Variants in STK32A observed in about 807,000 individuals in gnomAD.
The protein encoded by STK32A is serine/threonine-protein kinase 32A.
Under a neutral mutation model 53.2 loss-of-function variants are expected in STK32A, and 41 were observed. The observed-to-expected ratio is 0.77, with a 90% CI of 0.60 to 1.00. The LOEUF (loss-of-function observed/expected upper bound fraction) is 1.00. Among genes scored for constraint, STK32A ranks in the 50% least tolerant of loss-of-function variants. The pLI, the probability that STK32A is intolerant of heterozygous loss-of-function variation, is 0.00. For missense variants in STK32A, 458 were observed against 485.8 expected (o/e 0.94, Z 0.54); for synonymous variants, 166 against 162.8 (o/e 1.02, Z -0.15).
intron 8 of STK32A, among the ~76,000 whole-genome samples, chr5:147,369,886 A>AT (rs1451101399): frequency 6.6e-6 from 1 of 152,222 alleles, no homozygotes; most frequent in Non-Finnish European, 1.5e-5. Flanking sequence ...TACAGTTCAC[A>AT]TAAGAGACAT....
chr5:147,395,754 T>C, the STK32A span: 196 of 1,610,924 alleles, frequency 1.2e-4, 1 homozygote, highest in Non-Finnish European at 1.6e-4. Context: ...CACCATTCAT[T>C]CATTCAGCAT....
intron 5 of STK32A, among the ~76,000 whole-genome samples, chr5:147,328,282 G>A (rs1045509086): frequency 6.6e-6 from 1 of 152,108 alleles, no homozygotes; most frequent in Admixed American, 6.5e-5. Context: ...TGCCAGAAAT[G>A]TCTAGTGTAG....
At chr5:147,304,203 A>G (rs1753288221) in intron 4 of STK32A, among the ~76,000 whole-genome samples, 1 of 152,218 alleles carries the variant, frequency 6.6e-6, no homozygotes, top group Non-Finnish European at 1.5e-5. Flanking sequence ...CACCCACTCA[A>G]GATTGAAAGT....
chr5:147,350,928 C>T, intron 6 of STK32A, 137 bp from the exon 7 acceptor site: 1 of 672,282 alleles, frequency 1.5e-6, no homozygotes, highest in Non-Finnish European at 2.7e-6. Context: ...TGGTTTAAGA[C>T]CATATCGGCC....
chr5:147,355,603 G>A (rs1756188590), intron 7 of STK32A, among the ~76,000 whole-genome samples: 1 of 152,142 alleles, frequency 6.6e-6, no homozygotes, highest in East Asian at 1.9e-4. Context: ...GCGCGAACCC[G>A]GGAGGCGGAG....
intron 1 of STK32A, 83 bp downstream of exon 1, chr5:147,235,282 A>C (rs1001441023): frequency 6.6e-6 from 1 of 152,406 alleles, no homozygotes; most frequent in South Asian, 2.1e-4. Flanking sequence ...AAGTGCAAGG[A>C]GAAGAGAAGA....
At chr5:147,299,630 A>G (rs1753033286) in intron 4 of STK32A, among the ~76,000 whole-genome samples, 1 of 152,206 alleles carries the variant, frequency 6.6e-6, no homozygotes. Flanking sequence ...GATTCAGAAA[A>G]TATGATTAAG....
intron 1 of STK32A, among the ~76,000 whole-genome samples, chr5:147,239,290 A>C (rs1753462647): frequency 6.6e-6 from 1 of 152,232 alleles, no homozygotes; most frequent in South Asian, 2.1e-4. Context: ...CTTCATTTTA[A>C]ACTTTTCTAC....
intron 2 of STK32A, among the ~76,000 whole-genome samples, chr5:147,277,830 C>A (rs541904885): frequency 6.6e-6 from 1 of 152,104 alleles, no homozygotes; most frequent in Non-Finnish European, 1.5e-5. Context: ...ATTTTTGTGA[C>A]CATTTAGTCT....
chr5:147,341,486 A>C (rs914483227), intron 5 of STK32A, among the ~76,000 whole-genome samples: 3 of 152,068 alleles, frequency 2.0e-5, no homozygotes, highest in Non-Finnish European at 2.9e-5. Context: ...AAATTAGAAA[A>C]ATTTTTTGAG....
intron 2 of STK32A, among the ~76,000 whole-genome samples, chr5:147,255,710 A>G (rs1346834301): frequency 6.6e-6 from 1 of 152,236 alleles, no homozygotes; most frequent in African/African-American, 2.4e-5. Context: ...TTGCCAAGCC[A>G]TCTGGCTAGT....
rs1048018924 is a variant in STK32A, at chr5:147,387,098, T to A, written c.*3115T>A. 3 of 152,246 alleles carry A rather than the reference T, an allele frequency of 2.0e-5. No individual in the cohort carries two copies. The highest frequency in any genetic ancestry group is 4.4e-5 in the Non-Finnish European group (3 of 68,062). 9.4% of individuals were successfully genotyped at this position (152,246 alleles called of 1,614,324 possible). A position where few individuals can be genotyped will look rare whatever the true frequency, so the allele number is the denominator to read the frequency against. On this transcript the variant is annotated 3_prime_UTR_variant, in exon 13 of 13. Coordinates refer to ENST00000397936, the MANE Select transcript of STK32A (RefSeq NM_001112724.2). The stretch of plus-strand genomic sequence containing the variant: ...TTGCCTGTATGGAGCATCTGCAAAG[T>A]CTGAGCAGGTTTTGAAGTCCAAGAG...
chr5:147,244,251 A>T (rs1753696562), intron 2 of STK32A, among the ~76,000 whole-genome samples: 1 of 152,232 alleles, frequency 6.6e-6, no homozygotes, highest in African/African-American at 2.4e-5. Context: ...ATTCCATTGT[A>T]TGGATATACC....
intron 1 of STK32A, among the ~76,000 whole-genome samples, chr5:147,236,819 G>C (rs1218672263): frequency 1.3e-5 from 2 of 152,056 alleles, no homozygotes; most frequent in African/African-American, 4.8e-5. Context: ...TTTCTGATTC[G>C]ACAACTTGCA....
At chr5:147,341,593 CT>C (rs1354539209) in intron 5 of STK32A, among the ~76,000 whole-genome samples, 1 of 152,170 alleles carries the variant, frequency 6.6e-6, no homozygotes, top group African/African-American at 2.4e-5. Flanking sequence ...GGTGATATCC[CT>C]CTTCCACCTC....
intron 2 of STK32A, among the ~76,000 whole-genome samples, chr5:147,245,672 G>C (rs1368400949): frequency 6.6e-6 from 1 of 152,182 alleles, no homozygotes; most frequent in Non-Finnish European, 1.5e-5. Flanking sequence ...GTTAAATCAA[G>C]AGACAGCCTT....
At chr5:147,326,066 A>G (rs1754572254) in intron 5 of STK32A, among the ~76,000 whole-genome samples, 1 of 152,120 alleles carries the variant, frequency 6.6e-6, no homozygotes, top group African/African-American at 2.4e-5. Context: ...TTCTCCATGT[A>G]CTTAGAACTG....
At chr5:147,397,990 G>A in the STK32A span, 1 of 767,344 alleles carries the variant, frequency 1.3e-6, no homozygotes, top group Non-Finnish European at 2.0e-6. Context: ...AGCATCCAGT[G>A]GGTAGAAGGC....
At chr5:147,239,776 G>A in intron 2 of STK32A, 90 bp downstream of exon 2, 1 of 989,122 alleles carries the variant, frequency 1.0e-6, no homozygotes, top group Non-Finnish European at 1.5e-6. Context: ...GCATAAGCAT[G>A]GTCTGTAGGG....
Sources: gnomAD v4.1 joint callset for allele counts (sites outside exome capture counted in the v4.1 genomes callset) on GRCh38, gnomAD v4.1.1 for gene constraint, MANE v1.5 for transcripts, NCBI Gene and HGNC (gene_info 2026-07-23, HGNC 2026-07-21) for gene names.